The following MAP2K1 variants were observed in gnomAD, a reference collection of about 807,000 sequenced individuals.
The protein encoded by MAP2K1 is mitogen-activated protein kinase kinase 1, also known as dual specificity mitogen-activated protein kinase kinase 1.
MAP2K1 carries 16 observed loss-of-function variants against 46.3 expected under a neutral mutation model. The ratio of observed to expected loss-of-function variants is 0.35; its 90% CI spans 0.23 to 0.52. The LOEUF (loss-of-function observed/expected upper bound fraction) is 0.52. Ranked by LOEUF, MAP2K1 falls within the 20% of genes least tolerant of loss-of-function variation. The probability of loss-of-function intolerance (pLI) is 0.94; values close to 1 mark genes in which losing one functional copy is unlikely to be tolerated. For missense variants in MAP2K1, 263 were observed against 497.1 expected (o/e 0.53, Z 4.48); for synonymous variants, 183 against 185.6 (o/e 0.99, Z 0.11).
chr15:66,491,522 TAAA>T lies in MAP2K1; in HGVS notation c.*915_*917del. 1 of 184,090 alleles carries T rather than the reference TAAA, an allele frequency of 5.4e-6. No homozygotes were observed. The highest frequency in any genetic ancestry group is 1.1e-5 in the Non-Finnish European group (1 of 88,892). 11.4% of individuals were successfully genotyped at this position (184,090 alleles called of 1,614,324 possible). Reference sequence around the variant, plus strand: ...TTATTCTAATAAATATACTATGAAATAAAAAAAAAAGGATGAAAGCTACTTTTG... The same window carrying T: ...TTATTCTAATAAATATACTATGAAATAAAAAAAGGATGAAAGCTACTTTTG... On this transcript the variant is annotated 3_prime_UTR_variant, in exon 11 of 11. Transcript: ENST00000307102.
chr15:66,464,084 A>G (rs1892399602), intron 5 of MAP2K1, among the ~76,000 whole-genome samples: 2 of 152,026 alleles, frequency 1.3e-5, no homozygotes, highest in Admixed American at 1.3e-4. Flanking sequence ...CCCAAGATTT[A>G]TTTTCTTTCA....
In MAP2K1 at chr15:66,490,915, C is replaced by CA; in HGVS notation, c.*301dup. On this transcript the variant is annotated 3_prime_UTR_variant, in exon 11 of 11. Transcript: ENST00000307102. ...TGAAATTTTGGTGAATGTGGGTAGT[C>CA]ATTCTTACAATTGCACTGCTGTTCC... is the stretch of plus-strand genomic sequence containing the variant. 8.2e-6 allele frequency: 4 copies of CA among 489,890 alleles called. No homozygotes were observed. The highest frequency in any genetic ancestry group is 1.5e-5 in the Non-Finnish European group (4 of 266,210). The allele number at this position is 489,890 out of a possible 1,614,324, so 30.3% of individuals were successfully genotyped here. A position where few individuals can be genotyped will look rare whatever the true frequency, so the allele number is the denominator to read the frequency against.
intron 10 of MAP2K1, 156 bp downstream of exon 10, chr15:66,489,919 G>C: frequency 1.3e-6 from 1 of 750,148 alleles, no homozygotes; most frequent in East Asian, 2.6e-5. Context: ...AGTCTCCTTT[G>C]CTCTCCCATC....
chr15:66,401,854 A>G, intron 1 of MAP2K1: 2 of 628,794 alleles, frequency 3.2e-6, no homozygotes, highest in South Asian at 1.5e-5. Flanking sequence ...GCAACTTCAC[A>G]CAAGTGGGAA....
At chr15:66,478,311 T>C (rs1892811348) in intron 5 of MAP2K1, among the ~76,000 whole-genome samples, 1 of 146,374 alleles carries the variant, frequency 6.8e-6, no homozygotes, top group African/African-American at 2.5e-5. Flanking sequence ...TGTATATATA[T>C]AGTATATATA....
At chr15:66,419,380 C>A (rs1261059681) in intron 1 of MAP2K1, among the ~76,000 whole-genome samples, 1 of 151,416 alleles carries the variant, frequency 6.6e-6, no homozygotes, top group Non-Finnish European at 1.5e-5. Flanking sequence ...ATTAGTCGGG[C>A]GTGGTGGTGC....
intron 1 of MAP2K1, among the ~76,000 whole-genome samples, chr15:66,416,740 A>G (rs980774418): frequency 6.6e-6 from 1 of 152,130 alleles, no homozygotes; most frequent in African/African-American, 2.4e-5. Flanking sequence ...ACACAAAGCT[A>G]TTTGTGTGCA....
intron 5 of MAP2K1, among the ~76,000 whole-genome samples, chr15:66,452,290 AAAAAAAAAAAAAAG>A (rs1430826516): frequency 7.0e-5 from 1 of 14,356 alleles, no homozygotes; most frequent in Non-Finnish European, 2.3e-4. Flanking sequence ...AGTATAATAA[AAAAAAAAAAAAAAG>A]AAAAAAAAAA....
chr15:66,472,185 T>A (rs1469315531), intron 5 of MAP2K1, among the ~76,000 whole-genome samples: 1 of 151,988 alleles, frequency 6.6e-6, no homozygotes, highest in African/African-American at 2.4e-5. Flanking sequence ...GTGCCTGTAG[T>A]CCCAGCTATT....
intron 5 of MAP2K1, among the ~76,000 whole-genome samples, chr15:66,447,811 C>G (rs1030568565): frequency 3.3e-5 from 5 of 152,122 alleles, no homozygotes; most frequent in African/African-American, 1.2e-4. Flanking sequence ...TCACCACCAT[C>G]CATCTCCAGA....
intron 8 of MAP2K1, 78 bp from the exon 9 acceptor site, chr15:66,489,137 T>C: frequency 9.0e-7 from 1 of 1,105,306 alleles, no homozygotes; most frequent in East Asian, 2.4e-5. Flanking sequence ...CACTGGCTGG[T>C]GGGAGGGGTG....
At chr15:66,435,796 C>T (rs1333357756) in intron 2 of MAP2K1, among the ~76,000 whole-genome samples, 1 of 152,170 alleles carries the variant, frequency 6.6e-6, no homozygotes, top group African/African-American at 2.4e-5. Flanking sequence ...TATTACTTAT[C>T]AAGTGCTGGA....
At chr15:66,449,738 G>A (rs990307469) in intron 5 of MAP2K1, among the ~76,000 whole-genome samples, 7 of 152,204 alleles carry the variant, frequency 4.6e-5, no homozygotes, top group East Asian at 1.9e-4. Flanking sequence ...AAATTAAGCC[G>A]GGTGTGGTGG....
intron 1 of MAP2K1, among the ~76,000 whole-genome samples, chr15:66,425,197 G>A (rs2140562401): frequency 6.6e-6 from 1 of 152,268 alleles, no homozygotes; most frequent in Middle Eastern, 3.4e-3. Context: ...ACTTTGCCTT[G>A]TATCTGCGGC....
At chr15:66,442,396 GTTC>G (rs1449917981) in intron 3 of MAP2K1, among the ~76,000 whole-genome samples, 1 of 152,172 alleles carries the variant, frequency 6.6e-6, no homozygotes, top group Non-Finnish European at 1.5e-5. Context: ...GCAGTGCTCT[GTTC>G]TTCTCTCCCT....
chr15:66,481,930 G>T, intron 6 of MAP2K1, 51 bp downstream of exon 6: 1 of 1,596,516 alleles, frequency 6.3e-7, no homozygotes, highest in African/African-American at 1.3e-5. Flanking sequence ...TCAGGGAGAG[G>T]AGCCCAGTGG....
At chr15:66,413,009 C>T (rs1425505113) in intron 1 of MAP2K1, among the ~76,000 whole-genome samples, 1 of 152,070 alleles carries the variant, frequency 6.6e-6, no homozygotes, top group Non-Finnish European at 1.5e-5. Flanking sequence ...AATTCTCGTG[C>T]CTCAGCCTCT....
intron 5 of MAP2K1, among the ~76,000 whole-genome samples, chr15:66,478,067 G>T (rs1453656305): frequency 6.6e-6 from 1 of 151,672 alleles, no homozygotes; most frequent in Non-Finnish European, 1.5e-5. Flanking sequence ...AACAGAGCTC[G>T]CCCCTCTCCT....
At chr15:66,423,601 C>CT (rs1320674919) in intron 1 of MAP2K1, among the ~76,000 whole-genome samples, 1 of 103,684 alleles carries the variant, frequency 9.6e-6, no homozygotes, top group Non-Finnish European at 1.8e-5. Flanking sequence ...CCATGCCAGG[C>CT]TAATTTTTTT....
Sources: allele counts gnomAD v4.1 joint callset (sites outside exome capture counted in the v4.1 genomes callset), GRCh38; gene constraint gnomAD v4.1.1; transcripts MANE v1.5; gene names NCBI Gene and HGNC (gene_info 2026-07-23, HGNC 2026-07-21).